UCN3: variants seen among roughly 807,000 people sequenced by gnomAD.
UCN3 encodes urocortin 3.
A neutral mutation model predicts 3.6 loss-of-function variants in UCN3; 3 were observed. The ratio of observed to expected loss-of-function variants is 0.83; its 90% CI spans 0.38 to 2.15. The LOEUF (loss-of-function observed/expected upper bound fraction) is 2.15, where lower values mean the gene tolerates loss of function less well. Ranked by LOEUF, UCN3 falls within the 30% of genes most tolerant of loss-of-function variation. The pLI is 0.06. For missense variants in UCN3, 206 were observed against 208.3 expected (o/e 0.99, Z 0.07); for synonymous variants, 100 against 93.2 (o/e 1.07, Z -0.42).
intron 1 of UCN3, among the ~76,000 whole-genome samples, chr10:5,370,931 G>C (rs995816688): frequency 7.7e-6 from 1 of 129,668 alleles, no homozygotes; most frequent in African/African-American, 3.1e-5. Flanking sequence ...GTGTGTATAT[G>C]TGTGTTCATG....
At chr10:5,372,278 C>T (rs1047769405) in intron 1 of UCN3, among the ~76,000 whole-genome samples, 2 of 152,156 alleles carry the variant, frequency 1.3e-5, no homozygotes, top group Admixed American at 6.5e-5. Context: ...ACAATATCCT[C>T]AGGGACAGTG....
rs1401349620 is a variant in UCN3, at chr10:5,367,538, T to A, written c.-7+2308T>A. Among the ~76,000 whole-genome samples, 2 of 152,232 alleles carry A rather than the reference T, an allele frequency of 1.3e-5. No individual in the cohort carries two copies. Among genetic ancestry groups the A allele is most frequent in the East Asian group, 3.8e-4 (2 of 5,196 alleles). On this transcript the variant is annotated intron_variant, in intron 1 of 1. Transcript: ENST00000380433. The surrounding 1 kb of genome is among the most constrained non-coding windows in gnomAD (Gnocchi z 4.3). Reference sequence around the variant, plus strand: ...AAGGCACTATTGGCCATGTCAGGCTTTTCCAAGCATCCTGAGTCACTGCTG... The same window carrying A: ...AAGGCACTATTGGCCATGTCAGGCTATTCCAAGCATCCTGAGTCACTGCTG...
intron 1 of UCN3, among the ~76,000 whole-genome samples, chr10:5,370,734 ATATG>A (rs1831391012): frequency 2.1e-5 from 2 of 95,116 alleles, no homozygotes; most frequent in Non-Finnish European, 3.8e-5. Context: ...ATGCGTGTGT[ATATG>A]TGTGTGTATA....
Position 5,374,283 on chromosome 10 carries a change from A to AGGGCGGGGGGGGGGGGGGGG in UCN3, c.*80_*81insCGGGGGGGGGGGGGGGGGGG. On this transcript the variant is annotated 3_prime_UTR_variant, in exon 2 of 2. Coordinates refer to ENST00000380433, the MANE Select transcript of UCN3 (RefSeq NM_053049.4). ...GAGGGGAGGGCGAGGGGGGGAGGGG[A>AGGGCGGGGGGGGGGGGGGGG]GGGGGAGGGTGCTGTCTGCTGGTTT... is the stretch of plus-strand genomic sequence containing the variant. 2.0e-5 allele frequency: 1 copy of AGGGCGGGGGGGGGGGGGGGG among 48,914 alleles called. No homozygotes were observed. Among genetic ancestry groups the AGGGCGGGGGGGGGGGGGGGG allele is most frequent in the African/African-American group, 1.5e-4 (1 of 6,474 alleles). The allele number at this position is 48,914 out of a possible 1,614,324, so 3.0% of individuals were successfully genotyped here.
intron 1 of UCN3, among the ~76,000 whole-genome samples, chr10:5,370,431 GTATATGCGTGTGTA>G (rs1282896933): frequency 8.7e-6 from 1 of 114,876 alleles, no homozygotes; most frequent in Non-Finnish European, 1.7e-5. Context: ...ATATGCGTGT[GTATATGCGTGTGTA>G]TGTGTGTGTG....
intron 1 of UCN3, among the ~76,000 whole-genome samples, chr10:5,370,395 ATATGTGTGTGTATATGTG>A (rs1831360766): frequency 5.9e-5 from 1 of 16,918 alleles, no homozygotes; most frequent in Non-Finnish European, 1.1e-4. Context: ...ATGCGTGTGT[ATATGTGTGTGTATATGTG>A]TGTGTGTATA....
chr10:5,371,790 A>G (rs939482664), intron 1 of UCN3, among the ~76,000 whole-genome samples: 3 of 152,226 alleles, frequency 2.0e-5, no homozygotes, highest in African/African-American at 4.8e-5. Flanking sequence ...TACTTACCCA[A>G]TTGTTCTTAT....
chr10:5,368,272 G>C (rs1312807152), intron 1 of UCN3, among the ~76,000 whole-genome samples: 1 of 152,114 alleles, frequency 6.6e-6, no homozygotes, highest in African/African-American at 2.4e-5. Context: ...CCAAAGTGCT[G>C]GGATTACAGG....
At chr10:5,370,219 G>A (rs1431227707) in intron 1 of UCN3, among the ~76,000 whole-genome samples, 2 of 89,484 alleles carry the variant, frequency 2.2e-5, no homozygotes, top group Admixed American at 1.3e-4. Flanking sequence ...GTATGTGTGT[G>A]TATGTGCGTG....
Position 5,374,061 on chromosome 10 carries a change from G to A in UCN3, c.341G>A (p.Ser114Asn). Residue 114 changes from serine (S) to asparagine (N), a missense_variant, in exon 2 of 2, where the codon AGT (serine) becomes AAT (asparagine). Coordinates refer to ENST00000380433, the MANE Select transcript of UCN3 (RefSeq NM_053049.4). ...AAGCCACGCCAGGACACGGCCAAGA[G>A]TCCCCACCGCACCAAGTTCACCCTG... Reference protein sequence around the residue: ...RGKPRQDTAKSPHRTKFTLSL... With the variant: ...RGKPRQDTAKNPHRTKFTLSL... 3 of 1,613,446 alleles carry A rather than the reference G, an allele frequency of 1.9e-6. No individual in the cohort carries two copies. In the South Asian group the frequency reaches 3.3e-5, roughly 18 times the overall value.
At position 5,372,190 on chromosome 10, in the gene UCN3, C is replaced by T. The variant is rs1221728317; in HGVS notation, c.-6-1525C>T. ...TACAGGGCTGGGGAGAGTGTGTGCC[C>T]GCAGACCAGGCAAAAAGGACTGACT... On this transcript the variant is annotated intron_variant, in intron 1 of 1. Coordinates refer to ENST00000380433, the MANE Select transcript of UCN3 (RefSeq NM_053049.4). 3.3e-5 allele frequency among the ~76,000 whole-genome samples: 5 copies of T among 152,150 alleles called. 1 individual carries two copies. The highest frequency in any genetic ancestry group is 2.1e-4 in the South Asian group (1 of 4,828).
chr10:5,371,422 C>CT (rs2119111085), intron 1 of UCN3, among the ~76,000 whole-genome samples: 1 of 149,166 alleles, frequency 6.7e-6, no homozygotes, highest in African/African-American at 2.6e-5. Flanking sequence ...GTGTGCTTGT[C>CT]TATGTTCCTG....
chr10:5,365,535 C>T lies in UCN3; in HGVS notation c.-7+305C>T, dbSNP rs1349297407. Among the ~76,000 whole-genome samples, 1 of 152,230 alleles carries T rather than the reference C, an allele frequency of 6.6e-6. No individual in the cohort carries two copies. ...AAATCTGTTTTCTCTGAACAGAGCA[C>T]AGCTGTGCACAGGAAAGTCAGTCCT... On this transcript the variant is annotated intron_variant, in intron 1 of 1. Transcript: ENST00000380433. The surrounding 1 kb of genome is among the most constrained non-coding windows in gnomAD (Gnocchi z 4.4).
chr10:5,371,508 C>T (rs930268847), intron 1 of UCN3, among the ~76,000 whole-genome samples: 13 of 152,226 alleles, frequency 8.5e-5, no homozygotes, highest in African/African-American at 2.9e-4. Flanking sequence ...TAGAAAGAGA[C>T]CCAGGCTCCC....
rs1446269471 is a variant in UCN3, at chr10:5,370,829, G to A, written c.-6-2886G>A. ...TGTGTGTGTGCGTGTGTGTGCGCGC[G>A]TGTGTGTGCGCGTGTGTGTGCGCGT... is the stretch of plus-strand genomic sequence containing the variant. On this transcript the variant is annotated intron_variant, in intron 1 of 1. Transcript: ENST00000380433. Among the ~76,000 whole-genome samples, 35 of 89,844 alleles carry A rather than the reference G, an allele frequency of 3.9e-4. 3 individuals carry two copies. Among genetic ancestry groups the A allele is most frequent in the Admixed American group, 8.6e-4 (7 of 8,148 alleles). 58.9% of individuals were successfully genotyped at this position (89,844 alleles called of 152,430 possible).
intron 1 of UCN3, among the ~76,000 whole-genome samples, chr10:5,370,354 T>C (rs145238114): frequency 0.025 from 547 of 21,930 alleles, 112 homozygotes; most frequent in African/African-American, 0.038. Flanking sequence ...TGTGTATATG[T>C]GTGTGTATAT....
intron 1 of UCN3, among the ~76,000 whole-genome samples, chr10:5,369,382 C>T (rs78082414): frequency 0.034 from 5,111 of 152,286 alleles, 281 homozygotes; most frequent in African/African-American, 0.12. Flanking sequence ...AGCATCTGCT[C>T]AGACAAGGAG....
intron 1 of UCN3, among the ~76,000 whole-genome samples, chr10:5,370,354 TGTGTGTATATGC>T (rs1358259735): frequency 9.1e-5 from 2 of 21,954 alleles, no homozygotes; most frequent in Non-Finnish European, 1.7e-4. Context: ...TGTGTATATG[TGTGTGTATATGC>T]GTGTGTATAT....
chr10:5,368,146 GGC>G (rs1554810871), intron 1 of UCN3, among the ~76,000 whole-genome samples: 2 of 152,148 alleles, frequency 1.3e-5, no homozygotes, highest in East Asian at 3.8e-4. Flanking sequence ...TGGGATTACA[GGC>G]GTGTGCCACC....
Sources: gnomAD v4.1 joint callset for allele counts (sites outside exome capture counted in the v4.1 genomes callset) on GRCh38, gnomAD v4.1.1 for gene constraint, Gnocchi (gnomAD v3.1) non-coding constraint, MANE v1.5 for transcripts, NCBI Gene and HGNC (gene_info 2026-07-23, HGNC 2026-07-21) for gene names.